Variants in MYO9B observed in about 807,000 individuals in gnomAD.
MYO9B encodes the protein myosin IXB, also known as unconventional myosin-IXb.
MYO9B carries 71 observed loss-of-function variants against 229.5 expected under a neutral mutation model. The ratio of observed to expected loss-of-function variants is 0.31; its 90% CI spans 0.26 to 0.38. MYO9B has a LOEUF of 0.38. Ranked by LOEUF, MYO9B falls within the 10% of genes least tolerant of loss-of-function variation. MYO9B has a pLI of 1.00. For synonymous variants in MYO9B, 1,185 were observed against 1,235.8 expected (o/e 0.96, Z 0.86); for missense variants, 2,255 against 2,920.5 (o/e 0.77, Z 5.25).
chr19:17,112,690 G>C (rs2057859555), intron 2 of MYO9B, among the ~76,000 whole-genome samples: 1 of 152,182 alleles, frequency 6.6e-6, no homozygotes, highest in South Asian at 2.1e-4. Context: ...AGCTGATGGG[G>C]CATCCAAGGG....
chr19:17,080,741 T>A (rs565574867), intron 1 of MYO9B, among the ~76,000 whole-genome samples: 1 of 152,220 alleles, frequency 6.6e-6, no homozygotes, highest in South Asian at 2.1e-4. Context: ...TGATGGTGAA[T>A]GCCTGTGGTC....
chr19:17,212,499 C>T lies in MYO9B; in HGVS notation c.*189C>T. 1.6e-6 allele frequency: 1 copy of T among 610,570 alleles called. No homozygotes were observed. The highest frequency in any genetic ancestry group is 2.6e-6 in the Non-Finnish European group (1 of 380,110). 37.8% of individuals were successfully genotyped at this position (610,570 alleles called of 1,614,324 possible). On this transcript the variant is annotated 3_prime_UTR_variant, in exon 40 of 40. Coordinates refer to ENST00000682292, the MANE Select transcript of MYO9B (RefSeq NM_004145.4). This position sits in a 1 kb window ranked among gnomAD's most constrained non-coding sequence, Gnocchi z 5.4. ...GAGAGGCCGGCTGGAGCCAGGCCCC[C>T]TCGCACGCAGCCCCCAAATCATGGA...
chr19:17,166,696 C>T (rs1435924204), intron 10 of MYO9B, among the ~76,000 whole-genome samples: 1 of 152,118 alleles, frequency 6.6e-6, no homozygotes, highest in Non-Finnish European at 1.5e-5. Flanking sequence ...TTGTTCCCCT[C>T]TATGTGTCCA....
intron 22 of MYO9B, 117 bp from the exon 23 acceptor site, chr19:17,197,675 C>T: frequency 4.2e-6 from 5 of 1,176,668 alleles, no homozygotes; most frequent in South Asian, 3.9e-5. Context: ...CTAGACATTG[C>T]CAAGTGTCCC....
At chr19:17,156,423 A>T (rs1312701538) in intron 6 of MYO9B, among the ~76,000 whole-genome samples, 1 of 152,160 alleles carries the variant, frequency 6.6e-6, no homozygotes, top group East Asian at 1.9e-4. Context: ...TCCAAAAAAA[A>T]GAAAATAGCT....
At chr19:17,146,301 C>T (rs1216964106) in intron 3 of MYO9B, among the ~76,000 whole-genome samples, 1 of 146,588 alleles carries the variant, frequency 6.8e-6, no homozygotes, top group Non-Finnish European at 1.5e-5. Context: ...ATCCATCCAT[C>T]ACAGGTGGAT....
In MYO9B at chr19:17,184,996, A is replaced by C. The variant is rs566200341; in HGVS notation, c.2496+9A>C. On this transcript the variant is annotated intron_variant, in intron 17 of 39. Transcript: ENST00000682292. Reference sequence around the variant, plus strand: ...TCAGCGCCCAGTTCCAGGTAGGTGGAGCAGGAGAGGCAGAAGGTGGCGGTC... The same window carrying C: ...TCAGCGCCCAGTTCCAGGTAGGTGGCGCAGGAGAGGCAGAAGGTGGCGGTC... 1.4e-5 allele frequency: 22 copies of C among 1,613,828 alleles called. No individual in the cohort carries two copies. The African/African-American group carries it at 2.3e-4, about 17-fold the overall frequency.
chr19:17,183,270 C>T (rs1192653911), intron 15 of MYO9B, among the ~76,000 whole-genome samples: 1 of 152,144 alleles, frequency 6.6e-6, no homozygotes, highest in Non-Finnish European at 1.5e-5. Flanking sequence ...AAGGAGCTCC[C>T]ACCCAGGCCC....
chr19:17,160,752 T>G (rs1467309755), intron 8 of MYO9B, among the ~76,000 whole-genome samples: 1 of 152,060 alleles, frequency 6.6e-6, no homozygotes, highest in Non-Finnish European at 1.5e-5. Flanking sequence ...CAGGCTGGAG[T>G]GCAATGGCAG....
At chr19:17,168,287 C>T (rs1385619303) in intron 11 of MYO9B, among the ~76,000 whole-genome samples, 1 of 152,194 alleles carries the variant, frequency 6.6e-6, no homozygotes, top group Non-Finnish European at 1.5e-5. Context: ...ACGTGAGCCT[C>T]TGGAGTAGCT....
chr19:17,078,987 G>A (rs2057510866), intron 1 of MYO9B, among the ~76,000 whole-genome samples: 1 of 152,178 alleles, frequency 6.6e-6, no homozygotes, highest in Non-Finnish European at 1.5e-5. Context: ...CATCACCATT[G>A]ACAGTTGGGG....
At chr19:17,198,054 C>A in intron 23 of MYO9B, 130 bp from the exon 24 acceptor site, 2 of 1,414,186 alleles carry the variant, frequency 1.4e-6, no homozygotes, top group South Asian at 1.4e-5. Flanking sequence ...TAGAGTGAGA[C>A]TCCGTTTCAA....
intron 2 of MYO9B, among the ~76,000 whole-genome samples, chr19:17,131,279 C>T (rs775703917): frequency 1.9e-4 from 29 of 152,098 alleles, no homozygotes; most frequent in Admixed American, 5.9e-4. Flanking sequence ...ATTGAATAAT[C>T]CTTTTTTGAG....
intron 1 of MYO9B, among the ~76,000 whole-genome samples, chr19:17,086,460 C>G (rs933152516): frequency 7.2e-5 from 11 of 152,218 alleles, no homozygotes; most frequent in Non-Finnish European, 1.5e-4. Flanking sequence ...CACCTTGGCC[C>G]GGCTCGTATT....
intron 17 of MYO9B, 85 bp downstream of exon 17, chr19:17,185,072 C>T: frequency 6.3e-7 from 1 of 1,587,356 alleles, no homozygotes; most frequent in Non-Finnish European, 8.6e-7. Flanking sequence ...CACAGCCCGT[C>T]TCTAGTAAAA....
intron 13 of MYO9B, among the ~76,000 whole-genome samples, chr19:17,174,569 G>A (rs967041667): frequency 2.3e-4 from 35 of 151,934 alleles, no homozygotes; most frequent in Admixed American, 2.2e-3. Context: ...CCCGGGAGGC[G>A]GAGGTTGCAG....
intron 2 of MYO9B, among the ~76,000 whole-genome samples, chr19:17,120,761 C>T (rs1234604125): frequency 3.3e-5 from 5 of 151,390 alleles, no homozygotes; most frequent in South Asian, 2.1e-4. Context: ...GGGTTTGTGG[C>T]GGCAGCTCTT....
At chr19:17,205,078 G>A (rs1007978115) in intron 30 of MYO9B, among the ~76,000 whole-genome samples, 185 bp from the exon 31 acceptor site, 4 of 152,096 alleles carry the variant, frequency 2.6e-5, no homozygotes, top group African/African-American at 9.6e-5. Context: ...TTGAACCCGG[G>A]AGGCGGAGGT....
chr19:17,192,299 A>G (rs1398361801), intron 20 of MYO9B, among the ~76,000 whole-genome samples: 2 of 150,042 alleles, frequency 1.3e-5, no homozygotes, highest in East Asian at 3.9e-4. Context: ...AAAAAAAAAA[A>G]AGGGGGGGCC....
Sources: allele counts gnomAD v4.1 joint callset (sites outside exome capture counted in the v4.1 genomes callset), GRCh38; gene constraint gnomAD v4.1.1; non-coding constraint Gnocchi (gnomAD v3.1); transcripts MANE v1.5; gene names NCBI Gene and HGNC (gene_info 2026-07-23, HGNC 2026-07-21).